The following EXT2 variants were observed in gnomAD, a reference collection of about 807,000 sequenced individuals.
EXT2 encodes exostosin-2.
A neutral mutation model predicts 81.6 loss-of-function variants in EXT2; 53 were observed. The ratio of observed to expected loss-of-function variants is 0.65; its 90% CI spans 0.52 to 0.82. EXT2 has a LOEUF of 0.82. Among genes scored for constraint, EXT2 ranks in the 40% least tolerant of loss-of-function variants. The pLI, the probability that EXT2 is intolerant of heterozygous loss-of-function variation, is 0.00. For synonymous variants in EXT2, 320 were observed against 340.0 expected, an observed-to-expected ratio of 0.94 and a Z score of 0.65; for missense variants, 774 against 910.2, an observed-to-expected ratio of 0.85 and a Z score of 1.93.
chr11:44,130,778 A>C (rs1240046901), intron 7 of EXT2, among the ~76,000 whole-genome samples: 1 of 152,214 alleles, frequency 6.6e-6, no homozygotes, highest in East Asian at 1.9e-4. Context: ...CTATCCCAAA[A>C]ATTTTTAATG....
At chr11:44,145,324 A>G (rs560823085) in intron 7 of EXT2, among the ~76,000 whole-genome samples, 1 of 152,324 alleles carries the variant, frequency 6.6e-6, no homozygotes, top group East Asian at 1.9e-4. Flanking sequence ...TATCCATTGA[A>G]GTCTTTGCTT....
intron 8 of EXT2, among the ~76,000 whole-genome samples, chr11:44,180,876 C>T (rs771714390): frequency 1.9e-4 from 29 of 152,128 alleles, no homozygotes; most frequent in African/African-American, 6.5e-4. Flanking sequence ...CCGAGGCGGG[C>T]GGATCACCTG....
At chr11:44,173,939 A>G (rs1202095122) in intron 8 of EXT2, among the ~76,000 whole-genome samples, 1 of 152,190 alleles carries the variant, frequency 6.6e-6, no homozygotes, top group East Asian at 1.9e-4. Flanking sequence ...GGACATATCT[A>G]CAGAATTAAT....
At chr11:44,102,080 A>C (rs1417496994) in intron 1 of EXT2, among the ~76,000 whole-genome samples, 1 of 152,174 alleles carries the variant, frequency 6.6e-6, no homozygotes, top group Admixed American at 6.5e-5. Flanking sequence ...CATGGATTGA[A>C]GGGGAGGCTG....
In EXT2 at chr11:44,109,291, G is replaced by A. The variant is rs2134972062; in HGVS notation, c.626+8G>A. 6.2e-7 allele frequency: 1 copy of A among 1,612,412 alleles called. No individual in the cohort carries two copies. The highest frequency in any genetic ancestry group is 8.5e-7 in the Non-Finnish European group (1 of 1,178,480). On this transcript the variant is annotated splice_region_variant and intron_variant, in intron 3 of 13. Transcript: ENST00000533608. ...GGATGTCCCCAGAGACAGGTAGGAG[G>A]CATATTTGGGGCTGTCCTTATGATG...
At chr11:44,115,687 T>C (rs1954213283) in intron 4 of EXT2, among the ~76,000 whole-genome samples, 1 of 152,244 alleles carries the variant, frequency 6.6e-6, no homozygotes, top group Non-Finnish European at 1.5e-5. Context: ...AACCATTCTT[T>C]AAATATTTCA....
rs1172902311 is a variant in EXT2 at position 44,249,457 on chromosome 11, G to T, written c.*5170G>T. ...GTCTGCTAGAGGCTTCCTCAGCAAA[G>T]CCCCATCTTGTGGACAACCTCTCAG... On this transcript the variant is annotated 3_prime_UTR_variant, in exon 14 of 14. Transcript: ENST00000533608. Among the ~76,000 whole-genome samples, 4 of 152,234 alleles carry T rather than the reference G, an allele frequency of 2.6e-5. No homozygotes were observed. Among genetic ancestry groups the T allele is most frequent in the African/African-American group, 9.7e-5 (4 of 41,450 alleles).
chr11:44,098,420 C>T (rs561403350), intron 1 of EXT2, among the ~76,000 whole-genome samples: 2 of 151,664 alleles, frequency 1.3e-5, no homozygotes, highest in African/African-American at 2.4e-5. Flanking sequence ...AGCCTGGGCA[C>T]GGTGGCTCAA....
intron 8 of EXT2, among the ~76,000 whole-genome samples, chr11:44,173,738 T>A (rs1955113015): frequency 6.6e-6 from 1 of 151,892 alleles, no homozygotes; most frequent in Admixed American, 6.6e-5. Context: ...CCGGCTAATT[T>A]TTTGTGTTTT....
chr11:44,208,363 T>C (rs1955608721), intron 10 of EXT2, among the ~76,000 whole-genome samples: 1 of 152,230 alleles, frequency 6.6e-6, no homozygotes, highest in Non-Finnish European at 1.5e-5. Context: ...TCAGTTGGTC[T>C]AAAGGAAGAC....
chr11:44,198,094 A>G, intron 9 of EXT2, 76 bp downstream of exon 9: 1 of 1,482,848 alleles, frequency 6.7e-7, no homozygotes, highest in Non-Finnish European at 9.4e-7. Flanking sequence ...GTTTTAAATA[A>G]ATTTTCCTGC....
chr11:44,199,443 G>T (rs1306567606), intron 9 of EXT2, among the ~76,000 whole-genome samples: 1 of 152,252 alleles, frequency 6.6e-6, no homozygotes, highest in Non-Finnish European at 1.5e-5. Context: ...GCAGAAGGAA[G>T]GCTGGGCCTC....
At chr11:44,191,580 G>T (rs1955392040) in intron 8 of EXT2, among the ~76,000 whole-genome samples, 1 of 152,174 alleles carries the variant, frequency 6.6e-6, no homozygotes, top group African/African-American at 2.4e-5. Flanking sequence ...AGTAAATTAT[G>T]GAGGTTTAAA....
chr11:44,154,253 A>T (rs1954830987), intron 7 of EXT2, among the ~76,000 whole-genome samples: 1 of 151,972 alleles, frequency 6.6e-6, no homozygotes, highest in South Asian at 2.1e-4. Context: ...CTATCTAACT[A>T]TATTTTTGTA....
chr11:44,119,125 T>C (rs867539343), intron 4 of EXT2, among the ~76,000 whole-genome samples: 101 of 16,130 alleles, frequency 6.3e-3, no homozygotes, highest in African/African-American at 0.024. Context: ...TTTGGCTATT[T>C]ATATATATAT....
intron 10 of EXT2, among the ~76,000 whole-genome samples, chr11:44,211,623 A>C (rs906118306): frequency 6.6e-6 from 1 of 152,208 alleles, no homozygotes; most frequent in Non-Finnish European, 1.5e-5. Context: ...GGTTGGAGAG[A>C]AAGGCAGGTA....
At chr11:44,142,278 C>T (rs115536894) in intron 7 of EXT2, among the ~76,000 whole-genome samples, 2,700 of 152,284 alleles carry the variant, frequency 0.018, 88 homozygotes, top group African/African-American at 0.061. Context: ...TTTATAATAG[C>T]ACAATTCATC....
chr11:44,205,620 C>T (rs1955573139), intron 9 of EXT2, among the ~76,000 whole-genome samples: 1 of 152,210 alleles, frequency 6.6e-6, no homozygotes, highest in Non-Finnish European at 1.5e-5. Context: ...ACAATGTGTT[C>T]TACAACCAGT....
At chr11:44,125,583 G>A (rs146773925) in intron 5 of EXT2, among the ~76,000 whole-genome samples, 22 of 152,218 alleles carry the variant, frequency 1.4e-4, no homozygotes, top group Admixed American at 5.2e-4. Flanking sequence ...CATTCCAAGG[G>A]TATGGGGGCT....
Sources: allele counts gnomAD v4.1 joint callset (sites outside exome capture counted in the v4.1 genomes callset), GRCh38; gene constraint gnomAD v4.1.1; transcripts MANE v1.5; gene names NCBI Gene and HGNC (gene_info 2026-07-23, HGNC 2026-07-21).